APC: variants seen among roughly 807,000 people sequenced by gnomAD.
APC encodes the protein adenomatous polyposis coli protein.
Under a neutral mutation model 247.0 loss-of-function variants are expected in APC, and 72 were observed. The observed-to-expected ratio is 0.29, with a 90% CI of 0.24 to 0.35. The LOEUF is 0.35. Ranked by LOEUF, APC falls within the 10% of genes least tolerant of loss-of-function variation. The pLI is 1.00. For synonymous variants in APC, 1,254 were observed against 1,162.5 expected (o/e 1.08, Z -1.60); for missense variants, 3,400 against 3,360.7 (o/e 1.01, Z -0.29).
rs200339830 is a variant in APC, at chr5:112,837,891, C to T, written c.2297C>T (p.Ala766Val). The T allele has an allele frequency of 9.9e-6, 16 of 1,613,966 alleles. No homozygotes were observed. Among genetic ancestry groups the T allele is most frequent in the Non-Finnish European group, 1.3e-5 (15 of 1,180,014 alleles). ...AAAGCCCTAGAAGCAGAATTAGATG[C>T]TCAGCACTTATCAGAAACTTTTGAC... ...KQKALEAELD[A>V]QHLSETFDNI... Residue 766 changes from alanine (A) to valine (V), a missense_variant, in exon 16 of 16, where the codon GCT becomes GTT. Ala to Val is a moderately conservative substitution (Grantham distance 64). Coordinates refer to ENST00000257430, the MANE Select transcript of APC (RefSeq NM_000038.6).
At chr5:112,802,302 G>A (rs923261576) in intron 8 of APC, among the ~76,000 whole-genome samples, 1 of 152,022 alleles carries the variant, frequency 6.6e-6, no homozygotes, top group Admixed American at 6.6e-5. Flanking sequence ...ACTTCATTCA[G>A]TATTACTAGT....
At chr5:112,760,577 C>G (rs1755537187) in intron 2 of APC, among the ~76,000 whole-genome samples, 1 of 152,138 alleles carries the variant, frequency 6.6e-6, no homozygotes, top group African/African-American at 2.4e-5. Flanking sequence ...ATCCCATATT[C>G]CTGCAATGTT....
In APC at chr5:112,814,506, C is replaced by A. The variant is rs77151166; in HGVS notation, c.835-989C>A. On this transcript the variant is annotated intron_variant, in intron 8 of 15. Coordinates refer to ENST00000257430, the MANE Select transcript of APC (RefSeq NM_000038.6). ...TTTACTCACATCCAGTCAAGTTACT[C>A]AAGCCAGTTAATTTGACCTTCAGTT... is the stretch of plus-strand genomic sequence containing the variant. Among the ~76,000 whole-genome samples the A allele has an allele frequency of 6.6e-5, 10 of 152,174 alleles. No individual in the cohort carries two copies. The highest frequency in any genetic ancestry group is 2.1e-4 in the South Asian group (1 of 4,828).
rs1561587488 is a variant in APC at position 112,839,362 on chromosome 5, A to G, written c.3768A>G (p.Gln1256=). Residue 1256 remains glutamine (Q), a synonymous_variant, in exon 16 of 16, where the codon CAA becomes CAG. Coordinates refer to ENST00000257430, the MANE Select transcript of APC (RefSeq NM_000038.6). The surrounding 1 kb of genome is among the most constrained non-coding windows in gnomAD (Gnocchi z 5.0). The stretch of plus-strand genomic sequence containing the variant: ...CTTGCAAAGTTTCTTCTATTAACCA[A>G]GAAACAATACAGACTTATTGTGTAG... The part of the protein sequence containing the change: ...AATCKVSSIN[Q]ETIQTYCVED... The G allele has an allele frequency of 6.2e-7, 1 of 1,613,426 alleles. No individual in the cohort carries two copies. Among genetic ancestry groups the G allele is most frequent in the South Asian group, 1.1e-5 (1 of 91,026 alleles).
intron 1 of APC, among the ~76,000 whole-genome samples, chr5:112,718,473 C>T (rs1018541922): frequency 1.3e-5 from 2 of 152,152 alleles, no homozygotes; most frequent in African/African-American, 2.4e-5. Flanking sequence ...GGGTCTCAGC[C>T]GGAAGCCAAT....
At position 112,842,983 on chromosome 5, in the gene APC, A is replaced by AGCAGAT; in HGVS notation, c.7389_7390insGCAGAT (p.Glu2463_Ser2464insAlaAsp). On this transcript the variant is annotated inframe_insertion, in exon 16 of 16. Coordinates refer to ENST00000257430, the MANE Select transcript of APC (RefSeq NM_000038.6). ...AATTGGAGGAATCTGCTTCATTTGAATCTCTTTCTCCATCATCTAGACCAG... is the reference window on the plus strand; with the variant it reads ...AATTGGAGGAATCTGCTTCATTTGAAGCAGATTCTCTTTCTCCATCATCTAGACCAG... 6.2e-7 allele frequency: 1 copy of AGCAGAT among 1,614,042 alleles called. No homozygotes were observed. Among genetic ancestry groups the AGCAGAT allele is most frequent in the Non-Finnish European group, 8.5e-7 (1 of 1,179,950 alleles).
In APC at chr5:112,843,526, T is replaced by C. The variant is rs781734502; in HGVS notation, c.7932T>C (p.Ile2644=). The change falls in exon 16 of 16, where the codon ATT becomes ATC. Residue 2644 remains isoleucine (I), a synonymous_variant. Coordinates refer to ENST00000257430, the MANE Select transcript of APC (RefSeq NM_000038.6). This position sits in a 1 kb window ranked among gnomAD's most constrained non-coding sequence, Gnocchi z 4.8. Reference sequence around the variant, plus strand: ...ATGGTGCTGAATCAAAGACTCTAATTTATCAAATGGCACCTGCTGTTTCTA... The same window carrying C: ...ATGGTGCTGAATCAAAGACTCTAATCTATCAAATGGCACCTGCTGTTTCTA... ...ATNGAESKTL[I]YQMAPAVSKT... 50 of 1,613,778 alleles carry C rather than the reference T, an allele frequency of 3.1e-5. No homozygotes were observed. The highest frequency in any genetic ancestry group is 4.2e-5 in the Non-Finnish European group (50 of 1,179,736).
chr5:112,726,262 T>G (rs984444762), intron 1 of APC, among the ~76,000 whole-genome samples: 1 of 152,182 alleles, frequency 6.6e-6, no homozygotes, highest in Non-Finnish European at 1.5e-5. Context: ...CCAGGAAGAT[T>G]CAGGTTGTAC....
At chr5:112,748,164 G>C (rs527677474) in intron 1 of APC, among the ~76,000 whole-genome samples, 92 of 152,254 alleles carry the variant, frequency 6.0e-4, no homozygotes, top group Non-Finnish European at 9.7e-4. Context: ...GTATGGGCTT[G>C]GATAGGTCTA....
At chr5:112,780,641 A>T (rs1365424130) in intron 5 of APC, 149 bp from the exon 6 acceptor site, 1 of 600,428 alleles carries the variant, frequency 1.7e-6, no homozygotes. Context: ...AAATTTAAAC[A>T]CTCCTTGGAG....
intron 14 of APC, chr5:112,829,221 C>G (rs1561558458): frequency 1.1e-5 from 4 of 378,862 alleles, no homozygotes; most frequent in Middle Eastern, 1.7e-3. Flanking sequence ...TCACTGCAAC[C>G]TCCGTCTCCC....
At position 112,818,357 on chromosome 5, in the gene APC, A is replaced by G. The variant is rs147185790; in HGVS notation, c.934-609A>G. Among the ~76,000 whole-genome samples the G allele has an allele frequency of 1.7e-3, 262 of 152,328 alleles. 1 individual carries two copies. Among genetic ancestry groups the G allele is most frequent in the African/African-American group, 6.1e-3 (255 of 41,572 alleles). On this transcript the variant is annotated intron_variant, in intron 9 of 15. Transcript: ENST00000257430. ...TAGTACTTACCAGTTGCTTTTTAAAAAACTGACTACAAATCCTGGCTCTCA... is the reference window on the plus strand; with the variant it reads ...TAGTACTTACCAGTTGCTTTTTAAAGAACTGACTACAAATCCTGGCTCTCA...
In APC at chr5:112,841,203, A is replaced by T; in HGVS notation, c.5609A>T (p.Asp1870Val). 6.2e-7 allele frequency: 1 copy of T among 1,613,974 alleles called. No individual in the cohort carries two copies. Among genetic ancestry groups the T allele is most frequent in the Non-Finnish European group, 8.5e-7 (1 of 1,179,892 alleles). Residue 1870 changes from aspartate (D) to valine (V), a missense_variant, in exon 16 of 16, where the codon GAT becomes GTT. Asp to Val is a radical substitution (Grantham distance 152, BLOSUM62 -3). Coordinates refer to ENST00000257430, the MANE Select transcript of APC (RefSeq NM_000038.6). The surrounding 1 kb of genome is among the most constrained non-coding windows in gnomAD (Gnocchi z 4.6). Reference sequence around the variant, plus strand: ...TTGAGTTCTCTAGATTTTGATGATGATGATGTTGACCTTTCCAGGGAAAAG... The same window carrying T: ...TTGAGTTCTCTAGATTTTGATGATGTTGATGTTGACCTTTCCAGGGAAAAG... ...DSLSSLDFDD[D>V]DVDLSREKAE...
chr5:112,776,565 T>G (rs185976949), intron 5 of APC, among the ~76,000 whole-genome samples: 3 of 152,146 alleles, frequency 2.0e-5, no homozygotes, highest in African/African-American at 7.2e-5. Flanking sequence ...CTCAACATGG[T>G]GGAGGCTTAT....
intron 14 of APC, among the ~76,000 whole-genome samples, chr5:112,834,420 A>G (rs1177780516): frequency 6.7e-6 from 1 of 149,400 alleles, no homozygotes; most frequent in Non-Finnish European, 1.5e-5. Context: ...TTTTTTTTGT[A>G]TTTTTGTAGA....
intron 7 of APC, among the ~76,000 whole-genome samples, chr5:112,800,704 G>T (rs1287430224): frequency 1.3e-5 from 2 of 151,986 alleles, no homozygotes; most frequent in Non-Finnish European, 2.9e-5. Context: ...GCTTTTACTG[G>T]ATGTAATCTG....
chr5:112,789,682 A>G (rs1048912881), intron 6 of APC, among the ~76,000 whole-genome samples: 2 of 152,204 alleles, frequency 1.3e-5, no homozygotes, highest in Non-Finnish European at 2.9e-5. Context: ...TTAGAAATCC[A>G]GTAATTTTAT....
intron 15 of APC, among the ~76,000 whole-genome samples, chr5:112,836,794 C>T (rs548364423): frequency 1.3e-5 from 2 of 150,478 alleles, no homozygotes; most frequent in African/African-American, 4.9e-5. Context: ...GCAACCTCTG[C>T]CTCCCAAGTG....
At chr5:112,710,708 G>C (rs943759697) in intron 1 of APC, among the ~76,000 whole-genome samples, 3 of 152,212 alleles carry the variant, frequency 2.0e-5, no homozygotes, top group African/African-American at 7.2e-5. Flanking sequence ...ATAGTAGGAA[G>C]AACATTGACT....
Sources: allele counts gnomAD v4.1 joint callset (sites outside exome capture counted in the v4.1 genomes callset), GRCh38; gene constraint gnomAD v4.1.1; non-coding constraint Gnocchi (gnomAD v3.1); transcripts MANE v1.5; gene names NCBI Gene and HGNC (gene_info 2026-07-23, HGNC 2026-07-21).